MACF1: variants seen among roughly 807,000 people sequenced by gnomAD.
MACF1 encodes microtubule actin crosslinking factor 1, also known as microtubule-actin cross-linking factor 1.
In MACF1, 193 loss-of-function variants were observed where a neutral mutation model predicts 854.8. The observed-to-expected ratio is 0.23, with a 90% confidence interval of 0.20 to 0.25. The LOEUF (loss-of-function observed/expected upper bound fraction) is 0.25, where lower values mean the gene tolerates loss of function less well. MACF1 is among the 10% of genes least tolerant of loss of function. The pLI is 1.00. For missense variants in MACF1, 7,722 were observed against 8,929.1 expected (o/e 0.86, Z 5.45); for synonymous variants, 3,185 against 3,226.7 (o/e 0.99, Z 0.44).
intron 41 of MACF1, among the ~76,000 whole-genome samples, chr1:39,348,579 G>A (rs572461984): frequency 5.3e-5 from 8 of 152,268 alleles, no homozygotes; most frequent in East Asian, 3.9e-4. Flanking sequence ...GCTCTTAGGA[G>A]TTCTCTTCCA....
intron 17 of MACF1, 86 bp from the exon 18 acceptor site, chr1:39,293,372 G>A (rs1173533538): frequency 7.5e-6 from 9 of 1,197,384 alleles, no homozygotes; most frequent in South Asian, 1.8e-5. Flanking sequence ...AATTTCCTGA[G>A]TTATTCTCTC....
intron 97 of MACF1, among the ~76,000 whole-genome samples, chr1:39,477,270 G>A (rs572057541): frequency 2.0e-5 from 3 of 151,774 alleles, no homozygotes; most frequent in East Asian, 1.9e-4. Flanking sequence ...TCTCACCCAG[G>A]TTAGAGTGCA....
intron 2 of MACF1, among the ~76,000 whole-genome samples, chr1:39,246,207 TTCTA>T (rs1222620419): frequency 1.3e-5 from 2 of 152,248 alleles, no homozygotes; most frequent in Non-Finnish European, 2.9e-5. Context: ...CACTCTGCTC[TTCTA>T]TCTTACTCCT....
At chr1:39,190,460 C>T (rs1243750382) in intron 2 of MACF1, among the ~76,000 whole-genome samples, 3 of 122,530 alleles carry the variant, frequency 2.4e-5, no homozygotes, top group Non-Finnish European at 4.8e-5. Context: ...AGTGTAGTGG[C>T]GTGAGTAGCT....
chr1:39,437,178 G>A (rs918344389), intron 70 of MACF1, among the ~76,000 whole-genome samples: 8 of 150,966 alleles, frequency 5.3e-5, no homozygotes, highest in African/African-American at 1.9e-4. Flanking sequence ...AAATATTGTG[G>A]CAGCACTAAA....
intron 97 of MACF1, among the ~76,000 whole-genome samples, chr1:39,476,592 A>G (rs775241136): frequency 1.3e-5 from 2 of 152,088 alleles, no homozygotes; most frequent in Non-Finnish European, 2.9e-5. Flanking sequence ...AGAAAGAAAG[A>G]AATTTATCCT....
intron 31 of MACF1, among the ~76,000 whole-genome samples, 190 bp downstream of exon 31, chr1:39,319,937 C>T (rs1646481516): frequency 6.6e-6 from 1 of 152,170 alleles, no homozygotes; most frequent in Admixed American, 6.5e-5. Flanking sequence ...AAGTAGCAGA[C>T]GTTGGCTGTG....
At chr1:39,290,559 C>A (rs1171248356) in intron 15 of MACF1, among the ~76,000 whole-genome samples, 2 of 128,326 alleles carry the variant, frequency 1.6e-5, no homozygotes, top group Non-Finnish European at 3.4e-5. Context: ...TTTTTTATTT[C>A]TGTGAAGAAT....
At chr1:39,344,699 C>T (rs1027702363) in intron 40 of MACF1, among the ~76,000 whole-genome samples, 21 of 152,224 alleles carry the variant, frequency 1.4e-4, no homozygotes, top group East Asian at 5.8e-4. Flanking sequence ...TCACTTGAGG[C>T]GTTTTTCCCT....
chr1:39,476,503 G>A (rs759431117), intron 97 of MACF1, among the ~76,000 whole-genome samples: 3 of 151,866 alleles, frequency 2.0e-5, no homozygotes, highest in East Asian at 1.9e-4. Flanking sequence ...CCCAGGAGGC[G>A]GAGGTTACAG....
intron 41 of MACF1, among the ~76,000 whole-genome samples, chr1:39,347,851 A>C (rs1476869081): frequency 6.6e-6 from 1 of 152,190 alleles, no homozygotes; most frequent in Non-Finnish European, 1.5e-5. Flanking sequence ...TAAAACAAAC[A>C]AACAAACAAA....
intron 2 of MACF1, among the ~76,000 whole-genome samples, chr1:39,102,432 GGC>G (rs372018484): frequency 0.34 from 17,657 of 51,188 alleles, 1,035 homozygotes; most frequent in African/African-American, 0.46. Flanking sequence ...ATTAATTGGA[GGC>G]GGGGGGGGGG....
chr1:39,269,645 C>G, intron 6 of MACF1: 1 of 1,289,828 alleles, frequency 7.8e-7, no homozygotes, highest in Non-Finnish European at 1.0e-6. Context: ...CTGAAAAGAG[C>G]TCTACTTCCT....
intron 2 of MACF1, among the ~76,000 whole-genome samples, chr1:39,100,982 A>G (rs1269321930): frequency 6.6e-6 from 1 of 152,146 alleles, no homozygotes; most frequent in Non-Finnish European, 1.5e-5. Context: ...GCTGGTCTTG[A>G]ACTCCTGGGC....
intron 84 of MACF1, among the ~76,000 whole-genome samples, chr1:39,450,005 G>A (rs182567140): frequency 2.4e-4 from 36 of 152,128 alleles, no homozygotes; most frequent in Admixed American, 1.1e-3. Flanking sequence ...GACTACAGGT[G>A]CACACCACCA....
chr1:39,374,853 G>A (rs771311149), intron 52 of MACF1, among the ~76,000 whole-genome samples: 2 of 152,200 alleles, frequency 1.3e-5, no homozygotes, highest in South Asian at 2.1e-4. Context: ...GCTCACGCCT[G>A]TAATCCCAGC....
chr1:39,253,701 G>A (rs754975180), intron 4 of MACF1, among the ~76,000 whole-genome samples: 5 of 151,796 alleles, frequency 3.3e-5, no homozygotes, highest in Non-Finnish European at 7.4e-5. Context: ...GCCAATGAAG[G>A]GACGGGATTT....
rs182591827 is a variant in MACF1 at position 39,161,157 on chromosome 1, C to T, written c.221-70025C>T. Among the ~76,000 whole-genome samples, 184 of 152,226 alleles carry T rather than the reference C, an allele frequency of 1.2e-3. 1 individual carries two copies. The highest frequency in any genetic ancestry group is 4.2e-3 in the African/African-American group (173 of 41,526). ...GGGCTTTAACTTATATTTCTCAAGC[C>T]TGTCAAAAACCTTAGTTATTGGGGT... On this transcript the variant is annotated intron_variant, in intron 2 of 93. Coordinates refer to the MACF1 transcript ENST00000361689.
At chr1:39,461,802 A>G in intron 92 of MACF1, 81 bp from the exon 93 acceptor site, 2 of 872,038 alleles carry the variant, frequency 2.3e-6, no homozygotes, top group Admixed American at 7.0e-5. Context: ...AAAAAAAAAA[A>G]AAAAAAAAAA....
Sources: gnomAD v4.1 joint callset for allele counts (sites outside exome capture counted in the v4.1 genomes callset) on GRCh38, gnomAD v4.1.1 for gene constraint, MANE v1.5 for transcripts, NCBI Gene and HGNC (gene_info 2026-07-23, HGNC 2026-07-21) for gene names.